Variants in PMEPA1 observed in about 807,000 individuals in gnomAD.
PMEPA1 encodes the protein protein TMEPAI.
Under a neutral mutation model 23.0 loss-of-function variants are expected in PMEPA1, and 11 were observed. That is an observed-to-expected ratio of 0.48 (90% confidence interval 0.30 to 0.79). The LOEUF (loss-of-function observed/expected upper bound fraction) is 0.79, where lower values mean the gene tolerates loss of function less well. Among genes scored for constraint, PMEPA1 ranks in the 30% least tolerant of loss-of-function variants. PMEPA1 has a pLI of 0.06. For missense variants in PMEPA1, 377 were observed against 390.9 expected (o/e 0.96, Z 0.30); for synonymous variants, 204 against 166.4 (o/e 1.23, Z -1.74).
chr20:57,685,696 C>A (rs1183720078), intron 1 of PMEPA1, among the ~76,000 whole-genome samples: 3 of 152,088 alleles, frequency 2.0e-5, no homozygotes, highest in African/African-American at 7.2e-5. Flanking sequence ...TGTACGTGGC[C>A]GCCCAGCAAA....
intron 1 of PMEPA1, among the ~76,000 whole-genome samples, chr20:57,662,383 G>A (rs955293703): frequency 3.3e-5 from 5 of 152,124 alleles, no homozygotes; most frequent in African/African-American, 1.2e-4. Context: ...TGATTGCCTC[G>A]AGAAGTCCAA....
At chr20:57,710,202 C>T (rs1189228124), upstream of PMEPA1, 2 of 488,650 alleles carry the variant, frequency 4.1e-6, no homozygotes, top group East Asian at 3.7e-5. Flanking sequence ...ACCCGCGCAA[C>T]GGAGGAGGGG....
In PMEPA1 at chr20:57,649,849, G is replaced by T. The variant is rs1026871228; in HGVS notation, c.*2204C>A. 1 of 152,552 alleles carries T rather than the reference G, an allele frequency of 6.6e-6. No individual in the cohort carries two copies. The highest frequency in any genetic ancestry group is 1.5e-5 in the Non-Finnish European group (1 of 68,016). The allele number at this position is 152,552 out of a possible 1,614,324, so 9.4% of individuals were successfully genotyped here. ...GGTGAGTGAGGCACTGTCCGGGAACGTCCTCACCGAGCGACGGGAGTGTCA... is the reference window on the plus strand; with the variant it reads ...GGTGAGTGAGGCACTGTCCGGGAACTTCCTCACCGAGCGACGGGAGTGTCA... On this transcript the variant is annotated 3_prime_UTR_variant, in exon 4 of 4. Transcript: ENST00000341744.
chr20:57,673,546 C>A (rs2071597893), intron 1 of PMEPA1, among the ~76,000 whole-genome samples: 1 of 152,234 alleles, frequency 6.6e-6, no homozygotes, highest in African/African-American at 2.4e-5. Flanking sequence ...AACTGGTAGA[C>A]TCCTCTTTAA....
intron 2 of PMEPA1, among the ~76,000 whole-genome samples, chr20:57,653,645 G>T (rs1319534779): frequency 6.6e-6 from 1 of 152,188 alleles, no homozygotes; most frequent in Non-Finnish European, 1.5e-5. Flanking sequence ...TGAATGTGCT[G>T]GGTGTCACCT....
upstream of PMEPA1, chr20:57,710,408 C>T (rs2072161228): frequency 5.7e-6 from 9 of 1,587,340 alleles, no homozygotes; most frequent in South Asian, 1.1e-5. Flanking sequence ...TCCCTGGGGG[C>T]TCAGGGAAGA....
intron 1 of PMEPA1, among the ~76,000 whole-genome samples, chr20:57,662,762 C>A (rs1043894280): frequency 7.2e-5 from 11 of 151,798 alleles, no homozygotes; most frequent in African/African-American, 2.7e-4. Context: ...GCACTCTTCA[C>A]CCCAGTTCCC....
Position 57,661,611 on chromosome 20 carries a change from G to C in PMEPA1, c.110-1914C>G, listed in dbSNP as rs113425909. ...CGAGGAACCAAAGCCGGGGGAGGGG[G>C]ATCGGGGTGGGCAGGTGTCAGGTGG... On this transcript the variant is annotated intron_variant, in intron 1 of 3. Transcript: ENST00000341744. Among the ~76,000 whole-genome samples, 1,042 of 152,292 alleles carry C rather than the reference G, an allele frequency of 6.8e-3. 11 individuals are homozygous for C. Among genetic ancestry groups the C allele is most frequent in the African/African-American group, 0.024 (1,002 of 41,556 alleles).
rs1189853477 is a variant in PMEPA1, at chr20:57,682,972, C to T, written c.110-23275G>A. 9.2e-5 allele frequency among the ~76,000 whole-genome samples: 14 copies of T among 152,226 alleles called. No individual in the cohort carries two copies. The highest frequency in any genetic ancestry group is 9.2e-4 in the Admixed American group (14 of 15,288). ...GGTCTTGAAACTCCGGCTTCTCCAACTCTTCAGAAAAGGAGAAGAAGAAGA... is the reference window on the plus strand; with the variant it reads ...GGTCTTGAAACTCCGGCTTCTCCAATTCTTCAGAAAAGGAGAAGAAGAAGA... On this transcript the variant is annotated intron_variant, in intron 1 of 3. Coordinates refer to ENST00000341744, the MANE Select transcript of PMEPA1 (RefSeq NM_020182.5). This position sits in a 1 kb window ranked among gnomAD's most constrained non-coding sequence, Gnocchi z 4.4.
chr20:57,658,304 C>T (rs1416319829), intron 2 of PMEPA1, among the ~76,000 whole-genome samples: 1 of 152,206 alleles, frequency 6.6e-6, no homozygotes, highest in Non-Finnish European at 1.5e-5. Context: ...CCTCCTCACA[C>T]TCCCGCGCCC....
chr20:57,683,038 A>G lies in PMEPA1; in HGVS notation c.110-23341T>C, dbSNP rs1260989592. ...CTCCCAGGTTTGAGCTCTAAAAGCC[A>G]GACCTTTTTCAATGTCATCTCTCAC... On this transcript the variant is annotated intron_variant, in intron 1 of 3. Transcript: ENST00000341744. This position sits in a 1 kb window ranked among gnomAD's most constrained non-coding sequence, Gnocchi z 4.3. Among the ~76,000 whole-genome samples the G allele has an allele frequency of 6.6e-6, 1 of 152,240 alleles. No individual in the cohort carries two copies. The highest frequency in any genetic ancestry group is 2.4e-5 in the African/African-American group (1 of 41,466).
At chr20:57,696,963 C>A (rs778529439) in intron 1 of PMEPA1, among the ~76,000 whole-genome samples, 1 of 152,184 alleles carries the variant, frequency 6.6e-6, no homozygotes, top group Admixed American at 6.5e-5. Flanking sequence ...CCATGCTCTT[C>A]GGGGAGGCTT....
intron 1 of PMEPA1, chr20:57,690,341 T>G: frequency 1.2e-6 from 1 of 851,630 alleles, no homozygotes; most frequent in Non-Finnish European, 1.7e-6. Flanking sequence ...CCGCCCTGCA[T>G]CAGCGCTACA....
At chr20:57,698,168 G>A (rs765394016) in intron 1 of PMEPA1, among the ~76,000 whole-genome samples, 22 of 152,156 alleles carry the variant, frequency 1.4e-4, no homozygotes, top group African/African-American at 4.1e-4. Flanking sequence ...AGATACACCC[G>A]AGATAGGAGT....
chr20:57,659,004 A>G (rs2071367356), intron 2 of PMEPA1, among the ~76,000 whole-genome samples: 1 of 152,108 alleles, frequency 6.6e-6, no homozygotes, highest in African/African-American at 2.4e-5. Context: ...TTTCAGCCTC[A>G]TCTCTCTAGG....
chr20:57,652,090 C>G lies in PMEPA1; in HGVS notation c.827G>C (p.Ser276Thr). The G allele has an allele frequency of 6.5e-7, 1 of 1,547,000 alleles. No homozygotes were observed. The highest frequency in any genetic ancestry group is 8.7e-7 in the Non-Finnish European group (1 of 1,143,112). Reference sequence around the variant, plus strand: ...TCCTTTCTGTTTATCCTTCTCTTTGCTCCAGATGGCTGCGCTCTCTAGGGG... The same window carrying G: ...TCCTTTCTGTTTATCCTTCTCTTTGGTCCAGATGGCTGCGCTCTCTAGGGG... Reference protein sequence around the residue: ...IAPLESAAIWSKEKDKQKGHP... With the variant: ...IAPLESAAIWTKEKDKQKGHP... The change falls in exon 4 of 4, where the codon AGC (serine) becomes ACC (threonine). Residue 276 changes from serine to threonine, a missense_variant. Physicochemically the swap from Ser to Thr is moderately conservative, Grantham distance 58 (BLOSUM62 1). This residue lies in a region of PMEPA1 where 176 missense variants were observed against 173.0 expected (regional missense o/e 1.02). Transcript: ENST00000341744. This position sits in a 1 kb window ranked among gnomAD's most constrained non-coding sequence, Gnocchi z 6.1.
chr20:57,684,733 CA>C (rs2071777826), intron 1 of PMEPA1, among the ~76,000 whole-genome samples: 1 of 152,134 alleles, frequency 6.6e-6, no homozygotes, highest in Non-Finnish European at 1.5e-5. Context: ...CTGATATTTT[CA>C]TCCTTAAGAA....
At chr20:57,672,982 A>G (rs1207642312) in intron 1 of PMEPA1, among the ~76,000 whole-genome samples, 4 of 152,182 alleles carry the variant, frequency 2.6e-5, no homozygotes, top group Non-Finnish European at 2.9e-5. Flanking sequence ...GAAGAGCCAT[A>G]AAGTACAATG....
At chr20:57,690,288 G>A (rs912836851) in intron 1 of PMEPA1, 1 of 559,736 alleles carries the variant, frequency 1.8e-6, no homozygotes, top group East Asian at 6.8e-5. Context: ...GACCACCCGG[G>A]GGGGCCGGGC....
Sources: allele counts gnomAD v4.1 joint callset (sites outside exome capture counted in the v4.1 genomes callset), GRCh38; gene constraint gnomAD v4.1.1; regional missense constraint gnomAD v4.1.1; non-coding constraint Gnocchi (gnomAD v3.1); transcripts MANE v1.5; gene names NCBI Gene and HGNC (gene_info 2026-07-23, HGNC 2026-07-21).